KHDRBS2: variants seen among roughly 807,000 people sequenced by gnomAD.
KHDRBS2 encodes KH domain-containing, RNA-binding, signal transduction-associated protein 2.
In KHDRBS2, 26 loss-of-function variants were observed where a neutral mutation model predicts 44.3. The ratio of observed to expected loss-of-function variants is 0.59; its 90% CI spans 0.43 to 0.81. KHDRBS2 has a LOEUF of 0.81. KHDRBS2 is among the 40% of genes least tolerant of loss of function. The probability of loss-of-function intolerance (pLI) is 0.00; values close to 1 mark genes in which losing one functional copy is unlikely to be tolerated. For missense variants in KHDRBS2, 476 were observed against 433.1 expected, an observed-to-expected ratio of 1.10 and a Z score of -0.88; for synonymous variants, 194 against 151.1, an observed-to-expected ratio of 1.28 and a Z score of -2.08.
intron 2 of KHDRBS2, among the ~76,000 whole-genome samples, chr6:62,135,275 A>C (rs1811259786): frequency 6.6e-6 from 1 of 152,194 alleles, no homozygotes. Flanking sequence ...CTTGGCTCTC[A>C]TTCTCTCTTT....
intron 6 of KHDRBS2, among the ~76,000 whole-genome samples, chr6:61,835,365 G>C (rs534578859): frequency 1.3e-5 from 2 of 152,070 alleles, no homozygotes; most frequent in East Asian, 3.9e-4. Context: ...GTAAGTGTCA[G>C]AGGGTCTTTT....
At position 61,894,790 on chromosome 6, in the gene KHDRBS2, C is replaced by T. The variant is rs763209117; in HGVS notation, c.655G>A (p.Gly219Ser). ...AIPPPPPPGR[G>S]VLTPRGSTVT... is the part of the protein sequence containing the mutation. ...GTGCTTCCCCGAGGGGTGAGAACAC[C>T]TCGTCCAGGTGGTGGGGGAGGAGGA... The change falls in exon 6 of 9, where the codon GGT (glycine) becomes AGT (serine). Residue 219 changes from glycine to serine, a missense_variant. Coordinates refer to ENST00000281156, the MANE Select transcript of KHDRBS2 (RefSeq NM_152688.4). 7 of 1,612,780 alleles carry T rather than the reference C, an allele frequency of 4.3e-6. No homozygotes were observed. The Admixed American group carries it at 1.2e-4, about 27-fold the overall frequency.
intron 4 of KHDRBS2, among the ~76,000 whole-genome samples, chr6:61,940,542 T>C (rs1187210261): frequency 1.3e-5 from 2 of 152,162 alleles, no homozygotes; most frequent in Admixed American, 6.5e-5. Flanking sequence ...TCTTCCCAAC[T>C]TGGCCTCTCA....
Position 62,286,105 on chromosome 6 carries a change from G to A in KHDRBS2, c.-157C>T. The A allele has an allele frequency of 3.4e-6, 2 of 584,990 alleles. No individual in the cohort carries two copies. Among genetic ancestry groups the A allele is most frequent in the Non-Finnish European group, 6.0e-6 (2 of 333,960 alleles). The allele number at this position is 584,990 out of a possible 1,614,324, so 36.2% of individuals were successfully genotyped here. A position where few individuals can be genotyped will look rare whatever the true frequency, so the allele number is the denominator to read the frequency against. On this transcript the variant is annotated 5_prime_UTR_variant, in exon 1 of 9. Coordinates refer to ENST00000281156, the MANE Select transcript of KHDRBS2 (RefSeq NM_152688.4). ...ACTGGCCCATGCACCCAGCACCTGC[G>A]ACTCCCGCCGTCGGGCTGCGTGGCC...
At chr6:61,754,165 A>G (rs987498684) in intron 6 of KHDRBS2, among the ~76,000 whole-genome samples, 11 of 152,192 alleles carry the variant, frequency 7.2e-5, no homozygotes, top group Admixed American at 2.6e-4. Context: ...TTAGGTAACT[A>G]ATACAGATTT....
At chr6:61,722,463 C>T (rs945950506) in intron 7 of KHDRBS2, among the ~76,000 whole-genome samples, 5 of 152,074 alleles carry the variant, frequency 3.3e-5, no homozygotes, top group Non-Finnish European at 7.4e-5. Flanking sequence ...ATAATTATTC[C>T]ATTTAGGCAT....
chr6:62,040,839 A>G (rs1029841379), intron 3 of KHDRBS2, among the ~76,000 whole-genome samples: 11 of 152,222 alleles, frequency 7.2e-5, no homozygotes, highest in African/African-American at 2.6e-4. Context: ...TCTGCATTCT[A>G]TTGGTTACAA....
intron 6 of KHDRBS2, among the ~76,000 whole-genome samples, chr6:61,733,730 A>G (rs189873035): frequency 1.2e-4 from 18 of 152,222 alleles, no homozygotes; most frequent in Admixed American, 2.6e-4. Flanking sequence ...TTGTCATAGC[A>G]GCATGTTCAA....
chr6:62,064,750 G>A lies in KHDRBS2; in HGVS notation c.220-16756C>T, dbSNP rs1362129728. 2.6e-5 allele frequency among the ~76,000 whole-genome samples: 4 copies of A among 152,070 alleles called. No homozygotes were observed. The East Asian group carries it at 7.7e-4, about 29-fold the overall frequency. ...GGGCTTCATGTCTAAAACACCAAAAGCAATGGCAACAAAAGCCAAAATTGA... is the reference window on the plus strand; with the variant it reads ...GGGCTTCATGTCTAAAACACCAAAAACAATGGCAACAAAAGCCAAAATTGA... On this transcript the variant is annotated intron_variant, in intron 2 of 8. Coordinates refer to ENST00000281156, the MANE Select transcript of KHDRBS2 (RefSeq NM_152688.4).
intron 2 of KHDRBS2, among the ~76,000 whole-genome samples, chr6:62,102,683 A>C (rs1802177376): frequency 6.6e-6 from 1 of 152,144 alleles, no homozygotes; most frequent in Non-Finnish European, 1.5e-5. Flanking sequence ...GCTGCCAGGC[A>C]CCAGCAGAGG....
At chr6:62,083,364 T>A (rs1009921393) in intron 2 of KHDRBS2, among the ~76,000 whole-genome samples, 7 of 152,118 alleles carry the variant, frequency 4.6e-5, no homozygotes, top group African/African-American at 1.4e-4. Flanking sequence ...GAGGGCCACT[T>A]TCACTGGCAA....
intron 5 of KHDRBS2, among the ~76,000 whole-genome samples, chr6:61,900,978 C>A (rs577714377): frequency 6.6e-6 from 1 of 152,112 alleles, no homozygotes; most frequent in African/African-American, 2.4e-5. Flanking sequence ...AGACTGTCTA[C>A]GTGACCCCAG....
chr6:62,034,891 A>C (rs1338316638), intron 3 of KHDRBS2, among the ~76,000 whole-genome samples: 1 of 151,976 alleles, frequency 6.6e-6, no homozygotes, highest in Non-Finnish European at 1.5e-5. Flanking sequence ...AAAGGTGTCC[A>C]CATCATTGAT....
intron 3 of KHDRBS2, among the ~76,000 whole-genome samples, chr6:61,998,653 A>G (rs1156976039): frequency 6.6e-6 from 1 of 152,028 alleles, no homozygotes; most frequent in East Asian, 1.9e-4. Context: ...TATTTTTAGT[A>G]TATTTTTTGT....
intron 1 of KHDRBS2, among the ~76,000 whole-genome samples, chr6:62,238,799 T>G (rs945746397): frequency 5.9e-5 from 9 of 152,210 alleles, no homozygotes; most frequent in African/African-American, 2.2e-4. Flanking sequence ...TTTTTTTAAA[T>G]TGATATATCT....
intron 8 of KHDRBS2, among the ~76,000 whole-genome samples, chr6:61,688,805 CTTAG>C (rs910245330): frequency 2.4e-4 from 36 of 151,928 alleles, no homozygotes; most frequent in Non-Finnish European, 4.9e-4. Flanking sequence ...TGTGAAAGAT[CTTAG>C]TTAGTCTTTG....
intron 1 of KHDRBS2, among the ~76,000 whole-genome samples, chr6:62,256,825 A>T (rs1245456605): frequency 6.6e-6 from 1 of 152,054 alleles, no homozygotes; most frequent in Admixed American, 6.6e-5. Flanking sequence ...AAACTCTTGG[A>T]TCCATATAAA....
At chr6:61,774,425 G>A in intron 6 of KHDRBS2, among the ~76,000 whole-genome samples, 1 of 151,980 alleles carries the variant, frequency 6.6e-6, no homozygotes, top group Non-Finnish European at 1.5e-5. Flanking sequence ...ATCTCCTTAA[G>A]CTGATAAGCA....
At chr6:61,607,006 A>C in the KHDRBS2 span, among the ~76,000 whole-genome samples, 1 of 152,228 alleles carries the variant, frequency 6.6e-6, no homozygotes, top group African/African-American at 2.4e-5. Context: ...CATAAAATAG[A>C]GTTATCAAAT....
Sources: gnomAD v4.1 joint callset for allele counts (sites outside exome capture counted in the v4.1 genomes callset) on GRCh38, gnomAD v4.1.1 for gene constraint, MANE v1.5 for transcripts, NCBI Gene and HGNC (gene_info 2026-07-23, HGNC 2026-07-21) for gene names.